TRIOBP: variants seen among roughly 807,000 people sequenced by gnomAD.
TRIOBP encodes TRIO and F-actin-binding protein.
Under a neutral mutation model 238.8 loss-of-function variants are expected in TRIOBP, and 169 were observed. That is an observed-to-expected ratio of 0.71 (90% CI 0.62 to 0.80). The LOEUF (loss-of-function observed/expected upper bound fraction) is 0.80, where lower values mean the gene tolerates loss of function less well. TRIOBP is among the 30% of genes least tolerant of loss of function. TRIOBP has a pLI of 0.00. For synonymous variants in TRIOBP, 1,150 were observed against 1,274.4 expected (o/e 0.90, Z 2.08); for missense variants, 2,838 against 3,122.6 (o/e 0.91, Z 2.17).
At chr22:37,768,481 A>G (rs1926608296) in intron 19 of TRIOBP, among the ~76,000 whole-genome samples, 1 of 152,130 alleles carries the variant, frequency 6.6e-6, no homozygotes, top group African/African-American at 2.4e-5. Flanking sequence ...CCTGCCCCAG[A>G]GCACAGTTTT....
At position 37,726,031 on chromosome 22, in the gene TRIOBP, C is replaced by T. The variant is rs1924134727; in HGVS notation, c.3475C>T (p.His1159Tyr). ...CATGGACTCTCTGCACGAGTGCCCC[C>T]ACATCCCCACCCCTGTGTGCATTGG... ...PSMDSLHECP[H>Y]IPTPVCIGHR... The change falls in exon 7 of 24, where the codon CAC becomes TAC. Residue 1159 changes from histidine to tyrosine, a missense_variant. By Grantham distance (83) the His-to-Tyr change is moderately conservative. Around this residue, in one of 5 missense-constraint regions of TRIOBP, gnomAD observed 2,096 missense variants for 2,137.4 expected, o/e 0.98. Transcript: ENST00000644935. The T allele has an allele frequency of 1.2e-6, 2 of 1,610,716 alleles. No individual in the cohort carries two copies. Among genetic ancestry groups the T allele is most frequent in the Non-Finnish European group, 1.7e-6 (2 of 1,178,770 alleles).
intron 11 of TRIOBP, among the ~76,000 whole-genome samples, 198 bp downstream of exon 11, chr22:37,741,230 G>A (rs938431242): frequency 1.1e-4 from 17 of 152,212 alleles, no homozygotes; most frequent in Non-Finnish European, 2.2e-4. Context: ...TCCCACTTCC[G>A]GGGCAGGCTT....
intron 17 of TRIOBP, among the ~76,000 whole-genome samples, chr22:37,764,952 C>T (rs1480885181): frequency 6.6e-6 from 1 of 152,142 alleles, no homozygotes; most frequent in Non-Finnish European, 1.5e-5. Context: ...AACTGGGCTG[C>T]AGGTCAGTAA....
At chr22:37,712,384 C>T (rs986941753) in intron 4 of TRIOBP, among the ~76,000 whole-genome samples, 2 of 151,562 alleles carry the variant, frequency 1.3e-5, no homozygotes, top group African/African-American at 2.4e-5. Context: ...CAGGCTGGAG[C>T]GCAATGGCAC....
At chr22:37,720,720 C>T (rs1012308600) in intron 6 of TRIOBP, among the ~76,000 whole-genome samples, 1 of 151,932 alleles carries the variant, frequency 6.6e-6, no homozygotes, top group African/African-American at 2.4e-5. Context: ...ACTATGTTGC[C>T]CAGGCTGGTC....
At chr22:37,741,694 T>C (rs1315659905) in intron 11 of TRIOBP, among the ~76,000 whole-genome samples, 2 of 152,154 alleles carry the variant, frequency 1.3e-5, no homozygotes, top group East Asian at 3.9e-4. Context: ...GTGTGCCCAT[T>C]TTACAGATGA....
chr22:37,738,748 C>T (rs778329679), intron 10 of TRIOBP, 29 bp downstream of exon 10: 32 of 1,610,060 alleles, frequency 2.0e-5, no homozygotes, highest in East Asian at 1.6e-4. Context: ...TGGGTACATA[C>T]GGTGGGGAAG....
At chr22:37,740,233 A>G (rs1209217760) in intron 10 of TRIOBP, among the ~76,000 whole-genome samples, 1 of 152,200 alleles carries the variant, frequency 6.6e-6, no homozygotes, top group Non-Finnish European at 1.5e-5. Context: ...CTACCTTCCC[A>G]GTAACCCATG....
At chr22:37,729,295 G>A (rs959861020) in intron 7 of TRIOBP, among the ~76,000 whole-genome samples, 3 of 151,414 alleles carry the variant, frequency 2.0e-5, no homozygotes, top group Non-Finnish European at 2.9e-5. Context: ...GGCTCACTGC[G>A]GCCTCAAACT....
At position 37,759,168 on chromosome 22, in the gene TRIOBP, G is replaced by A. The variant is rs746026502; in HGVS notation, c.6228G>A (p.Arg2076=). 1.4e-5 allele frequency: 23 copies of A among 1,612,340 alleles called. No individual in the cohort carries two copies. The highest frequency in any genetic ancestry group is 1.7e-5 in the Admixed American group (1 of 59,884). The change falls in exon 17 of 24, where the codon CGG becomes CGA. Residue 2076 remains arginine, a synonymous_variant. Coordinates refer to ENST00000644935, the MANE Select transcript of TRIOBP (RefSeq NM_001039141.3). ...EALEKEVQAL[R]AQLEAWRLQG... ...CTCCCTCGTAGGTTCAGGCTCTTCG[G>A]GCCCAGCTGGAGGCGTGGCGTCTCC... is the stretch of plus-strand genomic sequence containing the variant.
chr22:37,752,833 A>G (rs2145863805), intron 12 of TRIOBP, among the ~76,000 whole-genome samples: 1 of 152,242 alleles, frequency 6.6e-6, no homozygotes, highest in African/African-American at 2.4e-5. Flanking sequence ...GAATGTCCGA[A>G]CTGGAAGGGC....
intron 7 of TRIOBP, among the ~76,000 whole-genome samples, chr22:37,729,552 T>C (rs1352992073): frequency 2.0e-5 from 3 of 152,194 alleles, no homozygotes; most frequent in Non-Finnish European, 4.4e-5. Flanking sequence ...AACTAATAAC[T>C]CAGCAGGGAC....
In TRIOBP at chr22:37,725,848, T is replaced by C; in HGVS notation, c.3292T>C (p.Cys1098Arg). 1 of 1,596,354 alleles carries C rather than the reference T, an allele frequency of 6.3e-7. No homozygotes were observed. Among genetic ancestry groups the C allele is most frequent in the Non-Finnish European group, 8.5e-7 (1 of 1,174,360 alleles). The change falls in exon 7 of 24, where the codon TGT becomes CGT. Residue 1098 changes from cysteine to arginine, a missense_variant. By Grantham distance (180) the Cys-to-Arg change is radical. Around this residue, in one of 5 missense-constraint regions of TRIOBP, gnomAD observed 2,096 missense variants for 2,137.4 expected, o/e 0.98. Coordinates refer to ENST00000644935, the MANE Select transcript of TRIOBP (RefSeq NM_001039141.3). ...LPDTSDAEHQ[C>R]QSPQHEPLQL... The stretch of plus-strand genomic sequence containing the variant: ...AGACACATCAGATGCCGAGCATCAG[T>C]GTCAGTCCCCCCAACACGAGCCCCT...
chr22:37,748,363 A>C (rs1013520691), intron 11 of TRIOBP, among the ~76,000 whole-genome samples: 1 of 152,112 alleles, frequency 6.6e-6, no homozygotes, highest in Non-Finnish European at 1.5e-5. Context: ...TGAGTGTGTG[A>C]GGCTCCGGGG....
intron 6 of TRIOBP, 23 bp downstream of exon 6, chr22:37,715,957 T>A: frequency 6.2e-7 from 1 of 1,611,574 alleles, no homozygotes; most frequent in Non-Finnish European, 8.5e-7. Context: ...GCCAGGTTGG[T>A]TCCCATGGTG....
chr22:37,717,465 G>C (rs996648593), intron 6 of TRIOBP, among the ~76,000 whole-genome samples: 4 of 151,894 alleles, frequency 2.6e-5, no homozygotes, highest in African/African-American at 9.7e-5. Context: ...ACAGAGAGCC[G>C]AGTGGTCTGT....
chr22:37,760,970 C>CA (rs1011701001), intron 17 of TRIOBP, among the ~76,000 whole-genome samples: 3,009 of 108,206 alleles, frequency 0.028, 59 homozygotes, highest in African/African-American at 0.07. Context: ...GACTCCATCT[C>CA]AAAAAAAAAA....
Position 37,724,956 on chromosome 22 carries a change from T to G in TRIOBP, c.2400T>G (p.Asn800Lys). The stretch of plus-strand genomic sequence containing the variant: ...GAACATCCTGTGCCCAGCGGGACAA[T>G]CTCAGAGCCTCCTCTCCCATCAGAG... Reference protein sequence around the residue: ...NPRTSCAQRDNLRASSPIRAT... With the variant: ...NPRTSCAQRDKLRASSPIRAT... Residue 800 changes from asparagine (N) to lysine (K), a missense_variant, in exon 7 of 24, where the codon AAT (asparagine) becomes AAG (lysine). Around this residue, in one of 5 missense-constraint regions of TRIOBP, gnomAD observed 2,096 missense variants for 2,137.4 expected, o/e 0.98. Transcript: ENST00000644935. The G allele has an allele frequency of 6.2e-7, 1 of 1,612,466 alleles. No homozygotes were observed. Among genetic ancestry groups the G allele is most frequent in the South Asian group, 1.1e-5 (1 of 90,976 alleles).
intron 5 of TRIOBP, among the ~76,000 whole-genome samples, chr22:37,715,332 T>G (rs1204380341): frequency 6.7e-6 from 1 of 149,908 alleles, no homozygotes; most frequent in African/African-American, 2.5e-5. Flanking sequence ...GCTTTGTTTT[T>G]TTTTGTTTTG....
Sources: allele counts gnomAD v4.1 joint callset (sites outside exome capture counted in the v4.1 genomes callset), GRCh38; gene constraint gnomAD v4.1.1; regional missense constraint gnomAD v4.1.1; transcripts MANE v1.5; gene names NCBI Gene and HGNC (gene_info 2026-07-23, HGNC 2026-07-21).